The following ITGBL1 variants were observed in gnomAD, a reference collection of about 807,000 sequenced individuals.
ITGBL1 encodes the protein integrin beta-like protein 1.
In ITGBL1, 51 loss-of-function variants were observed where a neutral mutation model predicts 68.5. The observed-to-expected ratio is 0.74, with a 90% CI of 0.59 to 0.94. The LOEUF is 0.94. Among genes scored for constraint, ITGBL1 ranks in the 40% least tolerant of loss-of-function variants. ITGBL1 has a pLI of 0.00. For missense variants in ITGBL1, 649 were observed against 647.4 expected (o/e 1.00, Z -0.03); for synonymous variants, 209 against 227.3 (o/e 0.92, Z 0.72).
At chr13:101,465,964 C>T (rs1385518783) in intron 2 of ITGBL1, among the ~76,000 whole-genome samples, 4 of 152,066 alleles carry the variant, frequency 2.6e-5, no homozygotes. Flanking sequence ...ACTTTAAGAG[C>T]AGAGGTAGTG....
chr13:101,456,752 A>G (rs1281251389), intron 2 of ITGBL1, among the ~76,000 whole-genome samples: 1 of 152,124 alleles, frequency 6.6e-6, no homozygotes, highest in Non-Finnish European at 1.5e-5. Flanking sequence ...CATCCCTACT[A>G]AAAAACACAA....
At chr13:101,609,983 A>C (rs983164728) in intron 7 of ITGBL1, among the ~76,000 whole-genome samples, 1 of 152,170 alleles carries the variant, frequency 6.6e-6, no homozygotes. Context: ...TTTGGCTAAG[A>C]TAACTTCCTA....
At chr13:101,665,829 T>C (rs1290984862) in intron 7 of ITGBL1, among the ~76,000 whole-genome samples, 1 of 152,158 alleles carries the variant, frequency 6.6e-6, no homozygotes, top group Non-Finnish European at 1.5e-5. Context: ...CATAAGAGAC[T>C]GCCAAAACCA....
At chr13:101,531,710 TATTTA>T (rs766958098) in intron 2 of ITGBL1, among the ~76,000 whole-genome samples, 159 of 144,364 alleles carry the variant, frequency 1.1e-3, no homozygotes, top group South Asian at 1.3e-3. Flanking sequence ...GTTATTTATT[TATTTA>T]TTTATTTATT....
intron 8 of ITGBL1, among the ~76,000 whole-genome samples, chr13:101,693,760 A>G (rs898083356): frequency 6.6e-6 from 1 of 152,156 alleles, no homozygotes; most frequent in African/African-American, 2.4e-5. Context: ...AACCTGACAA[A>G]AAAATACTTT....
chr13:101,541,847 G>T (rs1393909709), intron 2 of ITGBL1, among the ~76,000 whole-genome samples: 1 of 152,118 alleles, frequency 6.6e-6, no homozygotes, highest in African/African-American at 2.4e-5. Context: ...TTGTGTAGAG[G>T]TGTTTATAGT....
intron 3 of ITGBL1, among the ~76,000 whole-genome samples, chr13:101,573,390 A>T (rs1456310548): frequency 2.0e-5 from 3 of 152,200 alleles, no homozygotes; most frequent in Admixed American, 6.5e-5. Context: ...TGAGTGAAAA[A>T]TTTATAGATA....
intron 2 of ITGBL1, among the ~76,000 whole-genome samples, chr13:101,542,158 T>C (rs1360334052): frequency 6.6e-6 from 1 of 152,246 alleles, no homozygotes; most frequent in Admixed American, 6.5e-5. Context: ...AGGGTGTCAA[T>C]GTTAGATCTT....
intron 2 of ITGBL1, among the ~76,000 whole-genome samples, chr13:101,498,153 CA>C (rs909051088): frequency 8.7e-5 from 13 of 149,090 alleles, no homozygotes; most frequent in African/African-American, 1.5e-4. Flanking sequence ...AATTTTGTAC[CA>C]AAAAAAAATG....
chr13:101,471,970 G>A (rs576833335), intron 2 of ITGBL1, among the ~76,000 whole-genome samples: 1 of 151,280 alleles, frequency 6.6e-6, no homozygotes, highest in Non-Finnish European at 1.5e-5. Context: ...AATTTAATTT[G>A]GAAATAAATA....
chr13:101,690,983 G>A lies in ITGBL1; in HGVS notation c.1016-1602G>A, dbSNP rs2033871744. 2.0e-5 allele frequency among the ~76,000 whole-genome samples: 3 copies of A among 152,300 alleles called. No individual in the cohort carries two copies. The East Asian group carries it at 5.8e-4, about 29-fold the overall frequency. ...TTAGCTCCTGCAGCAACCTGGGGAA[G>A]CAAGGCACTGCCAAGAACCAGTTCC... On this transcript the variant is annotated intron_variant, in intron 7 of 10. Coordinates refer to ENST00000376180, the MANE Select transcript of ITGBL1 (RefSeq NM_004791.3).
chr13:101,635,367 T>A (rs2032136667), intron 7 of ITGBL1, among the ~76,000 whole-genome samples: 1 of 151,946 alleles, frequency 6.6e-6, no homozygotes, highest in Admixed American at 6.6e-5. Context: ...GAACCGAAAA[T>A]AACATCTATT....
chr13:101,719,200 G>A, downstream of ITGBL1: 1 of 152,072 alleles, frequency 6.6e-6, no homozygotes, highest in East Asian at 1.9e-4. Flanking sequence ...ATAAGTTTTT[G>A]GTTTTTGCTT....
intron 7 of ITGBL1, among the ~76,000 whole-genome samples, chr13:101,692,019 T>G (rs1425123151): frequency 6.6e-6 from 1 of 152,210 alleles, no homozygotes. Flanking sequence ...ATTTTAAATT[T>G]TAAGACGAGG....
intron 7 of ITGBL1, among the ~76,000 whole-genome samples, chr13:101,669,589 T>A (rs1004716375): frequency 6.6e-6 from 1 of 152,204 alleles, no homozygotes. Context: ...TCTAGTCCTC[T>A]GTGTTTAAAG....
rs191211572 is a variant in ITGBL1, at chr13:101,481,105, C to A, written c.316+27005C>A. On this transcript the variant is annotated intron_variant, in intron 2 of 10. Transcript: ENST00000376180. Reference sequence around the variant, plus strand: ...ACACACATATATATACACACACGTGCATGTATATACACATATATATACACA... The same window carrying A: ...ACACACATATATATACACACACGTGAATGTATATACACATATATATACACA... Among the ~76,000 whole-genome samples the A allele has an allele frequency of 3.9e-3, 576 of 147,010 alleles. 4 individuals are homozygous for A. The highest frequency in any genetic ancestry group is 0.014 in the African/African-American group (547 of 39,438).
intron 7 of ITGBL1, among the ~76,000 whole-genome samples, chr13:101,613,552 T>A (rs1361860791): frequency 6.6e-6 from 1 of 152,016 alleles, no homozygotes; most frequent in East Asian, 1.9e-4. Flanking sequence ...TCCCAGGAAG[T>A]CATATTTGGC....
rs139189694 is a variant in ITGBL1 at position 101,677,880 on chromosome 13, C to T, written c.1016-14705C>T. The stretch of plus-strand genomic sequence containing the variant: ...TCCCAGGTTCTGCATATGTTTGACA[C>T]GGCTTCATAGATAAAAATGGCTTAC... On this transcript the variant is annotated intron_variant, in intron 7 of 10. Transcript: ENST00000376180. Among the ~76,000 whole-genome samples, 943 of 152,194 alleles carry T rather than the reference C, an allele frequency of 6.2e-3. 8 individuals are homozygous for T. The highest frequency in any genetic ancestry group is 0.021 in the African/African-American group (863 of 41,526).
At chr13:101,474,525 G>C (rs115289745) in intron 2 of ITGBL1, among the ~76,000 whole-genome samples, 53 of 152,196 alleles carry the variant, frequency 3.5e-4, no homozygotes, top group African/African-American at 1.2e-3. Flanking sequence ...ACACAATCCT[G>C]GCTCAGTTTG....
Sources: allele counts gnomAD v4.1 joint callset (sites outside exome capture counted in the v4.1 genomes callset), GRCh38; gene constraint gnomAD v4.1.1; transcripts MANE v1.5; gene names NCBI Gene and HGNC (gene_info 2026-07-23, HGNC 2026-07-21).